ILRUN: variants seen among roughly 807,000 people sequenced by gnomAD.
ILRUN encodes the protein inflammation and lipid regulator with UBA-like and NBR1-like domains.
Under a neutral mutation model 33.8 loss-of-function variants are expected in ILRUN, and 3 were observed. That is an observed-to-expected ratio of 0.09 (90% CI 0.04 to 0.23). ILRUN has a LOEUF of 0.23. Ranked by LOEUF, ILRUN falls within the 10% of genes least tolerant of loss-of-function variation. The probability of loss-of-function intolerance (pLI) is 1.00; values close to 1 mark genes in which losing one functional copy is unlikely to be tolerated. For missense variants in ILRUN, 210 were observed against 375.1 expected (o/e 0.56, Z 3.64); for synonymous variants, 124 against 138.9 (o/e 0.89, Z 0.75).
At chr6:34,635,846 TC>T (rs1449057383) in intron 3 of ILRUN, among the ~76,000 whole-genome samples, 1 of 152,162 alleles carries the variant, frequency 6.6e-6, no homozygotes, top group East Asian at 1.9e-4. Context: ...GGTCTTGAAC[TC>T]CTGACCTCTG....
intron 1 of ILRUN, 146 bp downstream of exon 1, chr6:34,696,300 G>T: frequency 1.2e-6 from 1 of 823,356 alleles, no homozygotes; most frequent in Non-Finnish European, 1.8e-6. Context: ...TGCCCACGGG[G>T]CTCCCCGACT....
intron 4 of ILRUN, 104 bp downstream of exon 4, chr6:34,606,451 C>T (rs1761631730): frequency 3.5e-6 from 3 of 863,304 alleles, no homozygotes; most frequent in Non-Finnish European, 5.3e-6. Context: ...TCTTAAAGAA[C>T]CTCCTCTGGG....
chr6:34,654,303 G>T (rs1762728747), intron 2 of ILRUN, among the ~76,000 whole-genome samples: 1 of 152,152 alleles, frequency 6.6e-6, no homozygotes, highest in East Asian at 1.9e-4. Context: ...AAGTGATGAA[G>T]TAAAACTGTA....
chr6:34,595,348 A>G (rs1337259184), intron 4 of ILRUN, among the ~76,000 whole-genome samples: 1 of 152,246 alleles, frequency 6.6e-6, no homozygotes, highest in Non-Finnish European at 1.5e-5. Context: ...CTGATAGAAA[A>G]CATCAACTGT....
intron 4 of ILRUN, among the ~76,000 whole-genome samples, chr6:34,596,740 T>C (rs1204372075): frequency 6.6e-6 from 1 of 152,222 alleles, no homozygotes; most frequent in Admixed American, 6.5e-5. Context: ...CAAGGGCTGA[T>C]GACAGGGCAA....
chr6:34,627,827 C>A (rs973114096), intron 3 of ILRUN, among the ~76,000 whole-genome samples: 2 of 151,848 alleles, frequency 1.3e-5, no homozygotes, highest in African/African-American at 4.8e-5. Flanking sequence ...CCTCAGCCTC[C>A]CGAGTAGCTA....
chr6:34,669,941 C>T (rs530448639), intron 1 of ILRUN, among the ~76,000 whole-genome samples: 45 of 150,700 alleles, frequency 3.0e-4, no homozygotes, highest in Middle Eastern at 3.4e-3. Context: ...GACAGAGTTT[C>T]GCTCTTGTTG....
intron 1 of ILRUN, among the ~76,000 whole-genome samples, chr6:34,673,936 C>CACACACACACAT (rs71000080): frequency 5.3e-5 from 8 of 150,598 alleles, no homozygotes; most frequent in African/African-American, 2.0e-4. Flanking sequence ...CACACACACA[C>CACACACACACAT]GAAAACTGAT....
chr6:34,640,367 ATTCT>A (rs770022257), intron 3 of ILRUN, among the ~76,000 whole-genome samples: 4 of 152,194 alleles, frequency 2.6e-5, no homozygotes, highest in Non-Finnish European at 5.9e-5. Context: ...TACAGCAAAA[ATTCT>A]TTCTAAGAGG....
At chr6:34,638,059 T>C (rs1582067885) in intron 3 of ILRUN, among the ~76,000 whole-genome samples, 1 of 152,154 alleles carries the variant, frequency 6.6e-6, no homozygotes, top group South Asian at 2.1e-4. Context: ...GCTAATTTTT[T>C]GTATTTTTGG....
chr6:34,686,078 G>A (rs993341400), intron 1 of ILRUN, among the ~76,000 whole-genome samples: 3 of 152,222 alleles, frequency 2.0e-5, no homozygotes, highest in Middle Eastern at 3.4e-3. Flanking sequence ...AATTGATATG[G>A]ACCTCAGCAC....
intron 1 of ILRUN, among the ~76,000 whole-genome samples, chr6:34,659,616 G>GTT (rs1406411063): frequency 7.8e-6 from 1 of 127,708 alleles, no homozygotes; most frequent in Non-Finnish European, 1.6e-5. Context: ...ACATAAGGCA[G>GTT]TCTTTTTTTT....
chr6:34,683,631 G>C (rs927319092), intron 1 of ILRUN, among the ~76,000 whole-genome samples: 1 of 151,176 alleles, frequency 6.6e-6, no homozygotes, highest in African/African-American at 2.4e-5. Context: ...TCTGGAAACA[G>C]GAGGGGTTTA....
At chr6:34,625,916 T>C (rs966612209) in intron 3 of ILRUN, among the ~76,000 whole-genome samples, 1 of 150,096 alleles carries the variant, frequency 6.7e-6, no homozygotes, top group African/African-American at 2.4e-5. Flanking sequence ...AGTGGCACGA[T>C]CTTGGCTCAC....
At chr6:34,680,650 A>G (rs1763339733) in intron 1 of ILRUN, among the ~76,000 whole-genome samples, 1 of 152,152 alleles carries the variant, frequency 6.6e-6, no homozygotes, top group Non-Finnish European at 1.5e-5. Context: ...ACAAGGTTTC[A>G]CCACGTTGGC....
intron 1 of ILRUN, among the ~76,000 whole-genome samples, chr6:34,669,725 T>C (rs778882803): frequency 6.6e-6 from 1 of 152,060 alleles, no homozygotes; most frequent in African/African-American, 2.4e-5. Context: ...ACAAAACTAA[T>C]TAACATAACA....
intron 1 of ILRUN, among the ~76,000 whole-genome samples, chr6:34,682,251 G>GT (rs66948142): frequency 0.047 from 2,385 of 50,988 alleles, 376 homozygotes; most frequent in East Asian, 0.27. Context: ...TGCAACCTCT[G>GT]TTTTTTTTTT....
chr6:34,631,799 T>C (rs906996960), intron 3 of ILRUN, among the ~76,000 whole-genome samples: 1 of 152,068 alleles, frequency 6.6e-6, no homozygotes, highest in African/African-American at 2.4e-5. Flanking sequence ...GGTTATAAAA[T>C]ACATTGGAAT....
intron 4 of ILRUN, among the ~76,000 whole-genome samples, chr6:34,596,449 C>CA (rs1231853452): frequency 6.6e-6 from 1 of 152,092 alleles, no homozygotes; most frequent in Non-Finnish European, 1.5e-5. Flanking sequence ...CCCAAGTAGC[C>CA]AGGACTACAG....
Sources: gnomAD v4.1 joint callset for allele counts (sites outside exome capture counted in the v4.1 genomes callset) on GRCh38, gnomAD v4.1.1 for gene constraint, MANE v1.5 for transcripts, NCBI Gene and HGNC (gene_info 2026-07-23, HGNC 2026-07-21) for gene names.